The following EMCN variants were observed in gnomAD, a reference collection of about 807,000 sequenced individuals.
EMCN encodes the protein MUC-14.
A neutral mutation model predicts 38.4 loss-of-function variants in EMCN; 37 were observed. The observed-to-expected ratio is 0.96, with a 90% CI of 0.74 to 1.27. The LOEUF (loss-of-function observed/expected upper bound fraction) is 1.27, where lower values mean the gene tolerates loss of function less well. EMCN is among the 50% of genes most tolerant of loss of function. The pLI is 0.00. For missense variants in EMCN, 318 were observed against 302.8 expected (o/e 1.05, Z -0.37); for synonymous variants, 95 against 100.8 (o/e 0.94, Z 0.35).
intron 1 of EMCN, among the ~76,000 whole-genome samples, chr4:100,517,100 A>C (rs1729778169): frequency 6.6e-6 from 1 of 152,088 alleles, no homozygotes; most frequent in African/African-American, 2.4e-5. Context: ...ATTTTCAATC[A>C]CTCAGGAAGG....
At chr4:100,445,390 C>T (rs545755958) in intron 5 of EMCN, among the ~76,000 whole-genome samples, 6 of 152,166 alleles carry the variant, frequency 3.9e-5, no homozygotes, top group Non-Finnish European at 7.4e-5. Flanking sequence ...AATTTCTAGA[C>T]GCTTAATAAT....
At chr4:100,434,686 T>C (rs1727299207) in intron 5 of EMCN, among the ~76,000 whole-genome samples, 1 of 152,158 alleles carries the variant, frequency 6.6e-6, no homozygotes. Flanking sequence ...CATGATCAAG[T>C]TGGCTTCATC....
chr4:100,472,996 G>GTA (rs901125315), intron 3 of EMCN, among the ~76,000 whole-genome samples: 224 of 141,856 alleles, frequency 1.6e-3, no homozygotes, highest in Non-Finnish European at 2.4e-3. Context: ...TATTCTAGAA[G>GTA]TATATATATA....
At chr4:100,459,699 T>C (rs1404090567) in intron 4 of EMCN, among the ~76,000 whole-genome samples, 4 of 152,194 alleles carry the variant, frequency 2.6e-5, no homozygotes, top group Non-Finnish European at 5.9e-5. Flanking sequence ...GTGCCAGACG[T>C]ATTTCAGTTA....
intron 1 of EMCN, among the ~76,000 whole-genome samples, chr4:100,482,324 C>A (rs1728830991): frequency 6.6e-6 from 1 of 151,816 alleles, no homozygotes; most frequent in Non-Finnish European, 1.5e-5. Context: ...GTGTGTAAGT[C>A]TGCACGAAAT....
intron 11 of EMCN, among the ~76,000 whole-genome samples, chr4:100,400,358 T>C (rs1437321061): frequency 1.3e-5 from 2 of 152,036 alleles, no homozygotes; most frequent in South Asian, 2.1e-4. Flanking sequence ...GCCACATTTT[T>C]TTTTTTTGTT....
intron 1 of EMCN, among the ~76,000 whole-genome samples, chr4:100,492,095 C>A (rs1379193621): frequency 1.3e-5 from 2 of 152,152 alleles, no homozygotes; most frequent in East Asian, 3.9e-4. Flanking sequence ...CAGAGTAATT[C>A]TCTTGAAGAA....
chr4:100,489,563 T>C (rs1293325156), intron 1 of EMCN, among the ~76,000 whole-genome samples: 1 of 152,222 alleles, frequency 6.6e-6, no homozygotes, highest in Admixed American at 6.5e-5. Flanking sequence ...GTACAATGCA[T>C]TACTGACATG....
chr4:100,495,501 A>G (rs1729186603), intron 1 of EMCN, among the ~76,000 whole-genome samples: 1 of 152,120 alleles, frequency 6.6e-6, no homozygotes, highest in Non-Finnish European at 1.5e-5. Context: ...GAAGACTACC[A>G]TTAGAACAGA....
intron 11 of EMCN, among the ~76,000 whole-genome samples, 167 bp downstream of exon 11, chr4:100,410,115 G>A (rs1578392647): frequency 6.6e-6 from 1 of 152,238 alleles, no homozygotes; most frequent in South Asian, 2.1e-4. Flanking sequence ...TCATTTTTTG[G>A]CAATTTTTGT....
chr4:100,513,054 T>C (rs1282279568), intron 1 of EMCN, among the ~76,000 whole-genome samples: 2 of 152,146 alleles, frequency 1.3e-5, no homozygotes, highest in Non-Finnish European at 2.9e-5. Context: ...CCCTTAAATA[T>C]TCATTTTTTT....
At position 100,517,967 on chromosome 4, in the gene EMCN, A is replaced by G. The variant is rs1729803634; in HGVS notation, c.-53T>C. ...CTTTCTCCAGAAGCAGGCAGGGACA[A>G]TTCCCTCCCAGCCTGGCAGGGCCTT... On this transcript the variant is annotated 5_prime_UTR_variant, in exon 1 of 12. Transcript: ENST00000296420. The G allele has an allele frequency of 6.4e-7, 1 of 1,571,478 alleles. No homozygotes were observed. The highest frequency in any genetic ancestry group is 1.7e-4 in the Middle Eastern group (1 of 5,962).
chr4:100,443,746 A>C (rs1459363842), intron 5 of EMCN, among the ~76,000 whole-genome samples: 1 of 152,172 alleles, frequency 6.6e-6, no homozygotes, highest in Non-Finnish European at 1.5e-5. Context: ...CCAGTAAGGC[A>C]GGGTCTGTTC....
At chr4:100,415,522 G>GT (rs1455532346) in intron 10 of EMCN, among the ~76,000 whole-genome samples, 2 of 152,062 alleles carry the variant, frequency 1.3e-5, no homozygotes, top group East Asian at 1.9e-4. Flanking sequence ...CTGATGACCA[G>GT]TTTTTTTGCC....
chr4:100,426,238 C>A (rs572742001), intron 5 of EMCN, among the ~76,000 whole-genome samples: 1 of 152,192 alleles, frequency 6.6e-6, no homozygotes, highest in South Asian at 2.1e-4. Context: ...CCAAATTTAC[C>A]CACGTGTCCT....
chr4:100,487,994 T>C (rs1450105797), intron 1 of EMCN, among the ~76,000 whole-genome samples: 1 of 152,170 alleles, frequency 6.6e-6, no homozygotes, highest in Non-Finnish European at 1.5e-5. Context: ...CACTTTTTAC[T>C]AGCAGATCAC....
At chr4:100,504,722 G>T (rs1578237296) in intron 1 of EMCN, among the ~76,000 whole-genome samples, 1 of 152,218 alleles carries the variant, frequency 6.6e-6, no homozygotes, top group East Asian at 1.9e-4. Context: ...AGCGGACCAC[G>T]GTCTAGCGGT....
At position 100,502,164 on chromosome 4, in the gene EMCN, G is replaced by C. The variant is rs189997419; in HGVS notation, c.64+15687C>G. Among the ~76,000 whole-genome samples, 47 of 152,256 alleles carry C rather than the reference G, an allele frequency of 3.1e-4. No individual in the cohort carries two copies. In the East Asian group the frequency reaches 8.3e-3, roughly 27 times the overall value. On this transcript the variant is annotated intron_variant, in intron 1 of 11. Transcript: ENST00000296420. Reference sequence around the variant, plus strand: ...AGAACGTAGTGGATTGGTTGGACTAGATGTAACATTTACATAGCTCACGAA... The same window carrying C: ...AGAACGTAGTGGATTGGTTGGACTACATGTAACATTTACATAGCTCACGAA...
intron 4 of EMCN, among the ~76,000 whole-genome samples, chr4:100,460,230 T>G (rs934715997): frequency 2.0e-5 from 3 of 152,188 alleles, no homozygotes; most frequent in African/African-American, 7.2e-5. Context: ...TCTTTTTTTG[T>G]GAAATGTCCA....
Sources: gnomAD v4.1 joint callset for allele counts (sites outside exome capture counted in the v4.1 genomes callset) on GRCh38, gnomAD v4.1.1 for gene constraint, MANE v1.5 for transcripts, NCBI Gene and HGNC (gene_info 2026-07-23, HGNC 2026-07-21) for gene names.